The following ASTN2 variants were observed in gnomAD, a reference collection of about 807,000 sequenced individuals.
The protein encoded by ASTN2 is astrotactin 2, also known as astrotactin-2.
Under a neutral mutation model 139.8 loss-of-function variants are expected in ASTN2, and 54 were observed. The ratio of observed to expected loss-of-function variants is 0.39; its 90% confidence interval spans 0.31 to 0.48. ASTN2 has a LOEUF of 0.48. ASTN2 is among the 20% of genes least tolerant of loss of function. The probability of loss-of-function intolerance (pLI) is 0.95; values close to 1 mark genes in which losing one functional copy is unlikely to be tolerated. For missense variants in ASTN2, 1,565 were observed against 1,725.1 expected (o/e 0.91, Z 1.64); for synonymous variants, 756 against 719.5 (o/e 1.05, Z -0.81).
chr9:117,134,811 T>C (rs777251932), intron 4 of ASTN2, among the ~76,000 whole-genome samples: 3 of 152,162 alleles, frequency 2.0e-5, no homozygotes, highest in Non-Finnish European at 4.4e-5. Flanking sequence ...GGTGAAGTAC[T>C]GGTAGGCCGA....
intron 19 of ASTN2, among the ~76,000 whole-genome samples, chr9:116,509,981 CT>C (rs1850297338): frequency 6.6e-6 from 1 of 152,130 alleles, no homozygotes; most frequent in Admixed American, 6.6e-5. Flanking sequence ...ATGGTAGTTT[CT>C]TTTGCTGTGC....
At chr9:116,772,858 C>A (rs967835897) in intron 13 of ASTN2, among the ~76,000 whole-genome samples, 2 of 152,156 alleles carry the variant, frequency 1.3e-5, no homozygotes, top group East Asian at 1.9e-4. Context: ...GGGGGCTTAG[C>A]TTTAGGCTAG....
intron 4 of ASTN2, among the ~76,000 whole-genome samples, chr9:117,123,268 G>A (rs1393322377): frequency 6.6e-6 from 1 of 151,820 alleles, no homozygotes; most frequent in African/African-American, 2.4e-5. Flanking sequence ...ACAGACCTGT[G>A]GGCACCACTC....
intron 2 of ASTN2, among the ~76,000 whole-genome samples, chr9:117,267,935 A>C (rs1833972645): frequency 1.3e-5 from 2 of 152,272 alleles, no homozygotes; most frequent in Admixed American, 1.3e-4. Flanking sequence ...GAGCAGACCC[A>C]CTTTGTTGTT....
At chr9:116,590,845 G>A (rs1360103724) in intron 19 of ASTN2, among the ~76,000 whole-genome samples, 1 of 152,150 alleles carries the variant, frequency 6.6e-6, no homozygotes, top group Non-Finnish European at 1.5e-5. Context: ...CTTGCCCATG[G>A]AAAGCAGTGA....
In ASTN2 at chr9:116,704,668, C is replaced by T. The variant is rs576408488; in HGVS notation, c.2806+21103G>A. Reference sequence around the variant, plus strand: ...CAGACCTGTATTGGTGATGCAATAGCATGTTCAGCACTTCTTGGCCTCTTA... The same window carrying T: ...CAGACCTGTATTGGTGATGCAATAGTATGTTCAGCACTTCTTGGCCTCTTA... On this transcript the variant is annotated intron_variant, in intron 16 of 22. Transcript: ENST00000313400. Among the ~76,000 whole-genome samples, 3 of 152,250 alleles carry T rather than the reference C, an allele frequency of 2.0e-5. No individual in the cohort carries two copies. In the South Asian group the frequency reaches 6.2e-4, roughly 32 times the overall value.
At position 117,414,035 on chromosome 9, in the gene ASTN2, A is replaced by G. The variant is rs1831250005; in HGVS notation, c.442+462T>C. ...ACTACTCCATTCCTACTCTCATGAA[A>G]ATCCATCTGGAAGGGCAGAACCCGC... On this transcript the variant is annotated intron_variant, in intron 1 of 22. Transcript: ENST00000313400. The surrounding 1 kb of genome is among the most constrained non-coding windows in gnomAD (Gnocchi z 4.2). Among the ~76,000 whole-genome samples the G allele has an allele frequency of 6.6e-6, 1 of 152,146 alleles. No individual in the cohort carries two copies. Among genetic ancestry groups the G allele is most frequent in the South Asian group, 2.1e-4 (1 of 4,820 alleles).
At chr9:116,775,536 CAGGGG>C (rs1202766422) in intron 13 of ASTN2, among the ~76,000 whole-genome samples, 10 of 50,710 alleles carry the variant, frequency 2.0e-4, no homozygotes, top group Admixed American at 8.9e-4. Context: ...AGAAAGGGGG[CAGGGG>C]AGGGGAGGGG....
chr9:117,258,518 C>A (rs1283632197), intron 2 of ASTN2, among the ~76,000 whole-genome samples: 2 of 152,244 alleles, frequency 1.3e-5, no homozygotes, highest in Non-Finnish European at 1.5e-5. Flanking sequence ...GAATTCACAC[C>A]GGGTTATGTA....
At chr9:116,439,402 G>A (rs112183369) in intron 22 of ASTN2, among the ~76,000 whole-genome samples, 40,477 of 145,048 alleles carry the variant, frequency 0.28, 6,832 homozygotes, top group East Asian at 0.56. Context: ...GGGTTTCACC[G>A]TTTTAGCCGG....
chr9:116,759,469 A>G lies in ASTN2; in HGVS notation c.2397-25946T>C, dbSNP rs149501282. Among the ~76,000 whole-genome samples the G allele has an allele frequency of 1.1e-4, 16 of 152,256 alleles. No homozygotes were observed. In the East Asian group the frequency reaches 2.9e-3, roughly 28 times the overall value. ...TCCTAAGGAGCAATAACAATATCAG[A>G]ACCTGTGTTTTGCTGCTACCAGTGC... On this transcript the variant is annotated intron_variant, in intron 13 of 22. Coordinates refer to ENST00000313400, the MANE Select transcript of ASTN2 (RefSeq NM_001365068.1).
At chr9:116,528,737 G>C (rs1851200666) in intron 19 of ASTN2, among the ~76,000 whole-genome samples, 1 of 152,190 alleles carries the variant, frequency 6.6e-6, no homozygotes, top group Non-Finnish European at 1.5e-5. Flanking sequence ...GCAGCCTTGG[G>C]ACATGGCACC....
intron 19 of ASTN2, chr9:116,582,249 C>T (rs2208562): frequency 0.65 from 98,753 of 152,086 alleles, 32,168 homozygotes; most frequent in South Asian, 0.73. Flanking sequence ...ACGGAGTGAT[C>T]TACATGGACT....
chr9:116,732,548 C>A (rs1277035368), intron 14 of ASTN2, among the ~76,000 whole-genome samples: 1 of 152,196 alleles, frequency 6.6e-6, no homozygotes, highest in Non-Finnish European at 1.5e-5. Flanking sequence ...CGTGACTATT[C>A]TCCCTGGGCA....
intron 16 of ASTN2, among the ~76,000 whole-genome samples, chr9:116,677,322 A>T (rs192369446): frequency 3.9e-5 from 6 of 151,990 alleles, no homozygotes; most frequent in African/African-American, 1.5e-4. Flanking sequence ...GGAAAAAAAA[A>T]CCTCTGTTTT....
intron 1 of ASTN2, among the ~76,000 whole-genome samples, chr9:117,312,064 T>C (rs1827990715): frequency 6.6e-6 from 1 of 152,206 alleles, no homozygotes; most frequent in Non-Finnish European, 1.5e-5. Context: ...AATAGTTTAC[T>C]GTATTTATCA....
chr9:117,315,038 T>C (rs1828101297), intron 1 of ASTN2, among the ~76,000 whole-genome samples: 2 of 150,002 alleles, frequency 1.3e-5, no homozygotes, highest in Non-Finnish European at 3.0e-5. Flanking sequence ...AACTAATTCC[T>C]TCAAGGCATA....
intron 17 of ASTN2, among the ~76,000 whole-genome samples, chr9:116,632,260 A>AGAAG (rs1564169407): frequency 3.5e-4 from 42 of 121,536 alleles, no homozygotes; most frequent in East Asian, 9.9e-4. Flanking sequence ...AAGGAAAGAA[A>AGAAG]GAAAGAAAGA....
At position 117,008,105 on chromosome 9, in the gene ASTN2, G is replaced by T. The variant is rs140337955; in HGVS notation, c.1578C>A (p.Cys526Ter). 2 of 1,591,642 alleles carry T rather than the reference G, an allele frequency of 1.3e-6. No homozygotes were observed. Among genetic ancestry groups the T allele is most frequent in the Admixed American group, 1.7e-5 (1 of 57,154 alleles). ...CCCATGGCTCACCGGTTTCTGGGTC[G>T]CAGAGCTGCTCACAGGCATCTGTCG... ...QRTTDACEQLCDPETGECSCH... is the reference protein window; with the variant it reads ...QRTTDACEQL Residue 526 changes from cysteine to a stop codon, truncating the protein, a stop_gained, in exon 7 of 23, where the codon TGC becomes TGA. Coordinates refer to ENST00000313400, the MANE Select transcript of ASTN2 (RefSeq NM_001365068.1). LOFTEE classifies it high-confidence loss of function.
Sources: gnomAD v4.1 joint callset for allele counts (sites outside exome capture counted in the v4.1 genomes callset) on GRCh38, gnomAD v4.1.1 for gene constraint, Gnocchi (gnomAD v3.1) non-coding constraint, MANE v1.5 for transcripts, NCBI Gene and HGNC (gene_info 2026-07-23, HGNC 2026-07-21) for gene names.